The following PRPF38A variants were observed in gnomAD, a reference collection of about 807,000 sequenced individuals.
PRPF38A encodes the protein pre-mRNA-splicing factor 38A.
In PRPF38A, 11 loss-of-function variants were observed where a neutral mutation model predicts 46.8. The observed-to-expected ratio is 0.24, with a 90% CI of 0.15 to 0.39. The LOEUF (loss-of-function observed/expected upper bound fraction) is 0.39. Among genes scored for constraint, PRPF38A ranks in the 10% least tolerant of loss-of-function variants. The pLI is 1.00. For synonymous variants in PRPF38A, 124 were observed against 136.2 expected (o/e 0.91, Z 0.62); for missense variants, 261 against 407.5 (o/e 0.64, Z 3.10).
chr1:52,420,506 C>T lies in PRPF38A; in HGVS notation c.*3816C>T, dbSNP rs1224108796. The T allele has an allele frequency of 2.6e-5, 4 of 152,086 alleles. No homozygotes were observed. The highest frequency in any genetic ancestry group is 2.1e-4 in the South Asian group (1 of 4,822). 9.4% of individuals were successfully genotyped at this position (152,086 alleles called of 1,614,324 possible). ...AAAAAATAGCCTCTTTATTGTTTTC[C>T]GTAATTGTCCTTAATTTTAGGAGAA... On this transcript the variant is annotated 3_prime_UTR_variant, in exon 10 of 10. Coordinates refer to ENST00000257181, the MANE Select transcript of PRPF38A (RefSeq NM_032864.4).
intron 4 of PRPF38A, 34 bp downstream of exon 4, chr1:52,411,234 T>C: frequency 6.7e-7 from 1 of 1,490,216 alleles, no homozygotes. Flanking sequence ...AGAGTCACCC[T>C]TCTCTTCCTA....
In PRPF38A at chr1:52,417,992, A is replaced by C. The variant is rs189751786; in HGVS notation, c.*1302A>C. The C allele has an allele frequency of 6.7e-6, 1 of 148,150 alleles. No homozygotes were observed. The highest frequency in any genetic ancestry group is 6.6e-5 in the Admixed American group (1 of 15,196). The allele number at this position is 148,150 out of a possible 1,614,324, so 9.2% of individuals were successfully genotyped here. On this transcript the variant is annotated 3_prime_UTR_variant, in exon 10 of 10. Transcript: ENST00000257181. ...TCCTTTACCTGTACTTAACTCCCTTAAAAAGAGAAAAGTGATGGAATGACT... is the reference window on the plus strand; with the variant it reads ...TCCTTTACCTGTACTTAACTCCCTTCAAAAGAGAAAAGTGATGGAATGACT...
At position 52,418,660 on chromosome 1, in the gene PRPF38A, A is replaced by G. The variant is rs1363851948; in HGVS notation, c.*1970A>G. On this transcript the variant is annotated 3_prime_UTR_variant, in exon 10 of 10. Transcript: ENST00000257181. ...TAGAAGAAGGAGGTAAGAGTAAGACATGTTGCATGTCTGTAGATATCGTTT... is the reference window on the plus strand; with the variant it reads ...TAGAAGAAGGAGGTAAGAGTAAGACGTGTTGCATGTCTGTAGATATCGTTT... 1.3e-5 allele frequency: 2 copies of G among 152,234 alleles called. No individual in the cohort carries two copies. Among genetic ancestry groups the G allele is most frequent in the Non-Finnish European group, 2.9e-5 (2 of 68,042 alleles). 9.4% of individuals were successfully genotyped at this position (152,234 alleles called of 1,614,324 possible).
intron 3 of PRPF38A, 46 bp from the exon 4 acceptor site, chr1:52,411,069 A>G (rs774169824): frequency 7.0e-7 from 1 of 1,429,156 alleles, no homozygotes; most frequent in Non-Finnish European, 9.9e-7. Flanking sequence ...TTGGCATCTA[A>G]ATCTTTTATT....
intron 9 of PRPF38A, 21 bp downstream of exon 9, chr1:52,415,407 T>G: frequency 6.2e-7 from 1 of 1,605,822 alleles, no homozygotes; most frequent in Non-Finnish European, 8.5e-7. Context: ...GACCTCTATT[T>G]TAACTTTACA....
intron 8 of PRPF38A, among the ~76,000 whole-genome samples, 171 bp from the exon 9 acceptor site, chr1:52,415,167 A>G (rs902457967): frequency 3.3e-5 from 5 of 152,198 alleles, no homozygotes; most frequent in Non-Finnish European, 5.9e-5. Context: ...TTTCATTACT[A>G]CTTTCTTTGC....
intron 5 of PRPF38A, 26 bp from the exon 6 acceptor site, chr1:52,413,853 C>G (rs1648216109): frequency 6.8e-7 from 1 of 1,472,152 alleles, no homozygotes; most frequent in Non-Finnish European, 9.5e-7. Flanking sequence ...CTGTGCCTTT[C>G]AATGACCCAA....
At chr1:52,411,011 C>CT (rs1350222068) in intron 3 of PRPF38A, 104 bp from the exon 4 acceptor site, 1 of 757,784 alleles carries the variant, frequency 1.3e-6, no homozygotes, top group African/African-American at 1.7e-5. Flanking sequence ...CTAAAGAGGC[C>CT]TAGCACATAG....
Position 52,417,219 on chromosome 1 carries a change from A to C in PRPF38A, c.*529A>C, listed in dbSNP as rs1648318651. The C allele has an allele frequency of 6.4e-6, 1 of 157,122 alleles. No homozygotes were observed. Among genetic ancestry groups the C allele is most frequent in the Admixed American group, 6.2e-5 (1 of 16,180 alleles). The allele number at this position is 157,122 out of a possible 1,614,324, so 9.7% of individuals were successfully genotyped here. A position where few individuals can be genotyped will look rare whatever the true frequency, so the allele number is the denominator to read the frequency against. ...AAAGAATAGAATGCATTCAAATGTA[A>C]GGCTGCTTCTGGATCATTAAAGCCA... On this transcript the variant is annotated 3_prime_UTR_variant, in exon 10 of 10. Transcript: ENST00000257181.
intron 6 of PRPF38A, 111 bp from the exon 7 acceptor site, chr1:52,414,510 T>A: frequency 4.5e-6 from 5 of 1,114,708 alleles, no homozygotes; most frequent in Non-Finnish European, 5.4e-6. Flanking sequence ...AAGACATGGA[T>A]ACAGAGGTGG....
intron 4 of PRPF38A, 45 bp from the exon 5 acceptor site, chr1:52,412,469 A>G: frequency 7.2e-7 from 1 of 1,391,156 alleles, no homozygotes; most frequent in Non-Finnish European, 1.0e-6. Context: ...TTCAAGAAAT[A>G]GGGGAAATGG....
chr1:52,407,355 T>C (rs1211701026), intron 2 of PRPF38A, among the ~76,000 whole-genome samples: 3 of 152,068 alleles, frequency 2.0e-5, no homozygotes, highest in Admixed American at 6.5e-5. Context: ...AGAAAATACC[T>C]AACTTTTGTT....
Position 52,419,356 on chromosome 1 carries a change from CAAA to C in PRPF38A, c.*2680_*2682del, listed in dbSNP as rs58201258. On this transcript the variant is annotated 3_prime_UTR_variant, in exon 10 of 10. Coordinates refer to ENST00000257181, the MANE Select transcript of PRPF38A (RefSeq NM_032864.4). ...GGGCAAAAAGAGCGAAACTCCATCT[CAAA>C]AAAAAAAAAAAAAGAAGAAGAAGAA... The C allele has an allele frequency of 0.095, 8,795 of 92,314 alleles. 267 individuals are homozygous for C. Among genetic ancestry groups the C allele is most frequent in the South Asian group, 0.13 (388 of 2,978 alleles). 5.7% of individuals were successfully genotyped at this position (92,314 alleles called of 1,614,324 possible).
chr1:52,414,024 AT>A, intron 6 of PRPF38A, 33 bp downstream of exon 6: 1 of 1,443,136 alleles, frequency 6.9e-7, no homozygotes. Flanking sequence ...TTCCCAGAAG[AT>A]TTTGAGCACT....
Position 52,416,653 on chromosome 1 carries a change from A to C in PRPF38A, c.902A>C (p.Lys301Thr), listed in dbSNP as rs1346163942. 1 of 1,612,796 alleles carries C rather than the reference A, an allele frequency of 6.2e-7. No homozygotes were observed. Among genetic ancestry groups the C allele is most frequent in the Admixed American group, 1.7e-5 (1 of 60,014 alleles). Residue 301 changes from lysine (K) to threonine (T), a missense_variant, in exon 10 of 10, where the codon AAG (lysine) becomes ACG (threonine). Lys to Thr is a moderately conservative substitution (Grantham distance 78). Coordinates refer to ENST00000257181, the MANE Select transcript of PRPF38A (RefSeq NM_032864.4). Reference sequence around the variant, plus strand: ...TATATGTGTTGCCATTTCAGGTCTAAGAAGAGCCACAAGAAGAGCCGGAGA... The same window carrying C: ...TATATGTGTTGCCATTTCAGGTCTACGAAGAGCCACAAGAAGAGCCGGAGA... ...RSHSKSPERS[K>T]KSHKKSRRGN... is the part of the protein sequence containing the mutation.
intron 2 of PRPF38A, 155 bp from the exon 3 acceptor site, chr1:52,408,414 T>G: frequency 1.0e-6 from 1 of 954,138 alleles, no homozygotes; most frequent in Non-Finnish European, 1.7e-6. Context: ...ATATTTTAGC[T>G]GTCTTTCTTC....
rs187381260 is a variant in PRPF38A at position 52,420,439 on chromosome 1, A to G, written c.*3749A>G. On this transcript the variant is annotated 3_prime_UTR_variant, in exon 10 of 10. Coordinates refer to ENST00000257181, the MANE Select transcript of PRPF38A (RefSeq NM_032864.4). Reference sequence around the variant, plus strand: ...GCTGGTTTCATCTTTCATAGCAGGAATCACGTACAGTCTCTAATTAAAACA... The same window carrying G: ...GCTGGTTTCATCTTTCATAGCAGGAGTCACGTACAGTCTCTAATTAAAACA... 4.9e-4 allele frequency: 74 copies of G among 152,330 alleles called. No individual in the cohort carries two copies. Among genetic ancestry groups the G allele is most frequent in the African/African-American group, 1.5e-3 (61 of 41,576 alleles). The allele number at this position is 152,330 out of a possible 1,614,324, so 9.4% of individuals were successfully genotyped here.
In PRPF38A at chr1:52,404,745, C is replaced by G. The variant is rs1222919588; in HGVS notation, c.-5C>G. 1 of 1,612,070 alleles carries G rather than the reference C, an allele frequency of 6.2e-7. No homozygotes were observed. Among genetic ancestry groups the G allele is most frequent in the African/African-American group, 1.3e-5 (1 of 74,818 alleles). ...CGACGGAAATAGAATTGAAGGCATTCTAAAATGGCTAACCGTACAGTGAAG... is the reference window on the plus strand; with the variant it reads ...CGACGGAAATAGAATTGAAGGCATTGTAAAATGGCTAACCGTACAGTGAAG... On this transcript the variant is annotated 5_prime_UTR_variant, in exon 1 of 10. Transcript: ENST00000257181.
intron 2 of PRPF38A, among the ~76,000 whole-genome samples, chr1:52,406,463 A>G (rs1203674689): frequency 6.6e-6 from 1 of 152,210 alleles, no homozygotes; most frequent in Non-Finnish European, 1.5e-5. Flanking sequence ...ATCAAACAAC[A>G]AAAGGTGGTG....
Sources: gnomAD v4.1 joint callset for allele counts (sites outside exome capture counted in the v4.1 genomes callset) on GRCh38, gnomAD v4.1.1 for gene constraint, MANE v1.5 for transcripts, NCBI Gene and HGNC (gene_info 2026-07-23, HGNC 2026-07-21) for gene names.